TNPO1: variants seen among roughly 807,000 people sequenced by gnomAD.
TNPO1 encodes the protein transportin 1, also known as transportin-1.
In TNPO1, 8 loss-of-function variants were observed where a neutral mutation model predicts 119.5. That is an observed-to-expected ratio of 0.07 (90% CI 0.04 to 0.12). The LOEUF (loss-of-function observed/expected upper bound fraction) is 0.12, where lower values mean the gene tolerates loss of function less well. Ranked by LOEUF, TNPO1 falls within the 10% of genes least tolerant of loss-of-function variation. The pLI is 1.00. For missense variants in TNPO1, 576 were observed against 1,089.8 expected, an observed-to-expected ratio of 0.53 and a Z score of 6.64; for synonymous variants, 362 against 363.0, an observed-to-expected ratio of 1.00 and a Z score of 0.03.
At chr5:72,908,004 A>G (rs1434309633) in intron 24 of TNPO1, among the ~76,000 whole-genome samples, 1 of 152,160 alleles carries the variant, frequency 6.6e-6, no homozygotes, top group Non-Finnish European at 1.5e-5. Flanking sequence ...AGTGAGCCAT[A>G]TTCACACCAC....
At chr5:72,824,291 C>T (rs1489206641) in intron 1 of TNPO1, among the ~76,000 whole-genome samples, 1 of 152,188 alleles carries the variant, frequency 6.6e-6, no homozygotes, top group East Asian at 1.9e-4. Flanking sequence ...AAAATCTTGT[C>T]CCACTTCACC....
intron 9 of TNPO1, among the ~76,000 whole-genome samples, chr5:72,877,611 G>C (rs955924349): frequency 2.0e-5 from 3 of 151,312 alleles, no homozygotes; most frequent in African/African-American, 7.3e-5. Flanking sequence ...TTTGTTTTTT[G>C]TTTTGTTTTG....
intron 5 of TNPO1, among the ~76,000 whole-genome samples, chr5:72,864,427 G>C (rs1348459886): frequency 1.3e-5 from 2 of 151,996 alleles, no homozygotes; most frequent in African/African-American, 4.8e-5. Context: ...AAAGTAGGTG[G>C]GTGGGTAACT....
At chr5:72,906,294 T>C (rs887992146) in intron 24 of TNPO1, among the ~76,000 whole-genome samples, 1,354 of 119,420 alleles carry the variant, frequency 0.011, 35 homozygotes, top group Non-Finnish European at 0.019. Context: ...TTTTTTTTTT[T>C]TTTTTTTTTT....
At chr5:72,892,266 C>T (rs1749120642) in intron 15 of TNPO1, among the ~76,000 whole-genome samples, 1 of 151,830 alleles carries the variant, frequency 6.6e-6, no homozygotes, top group Non-Finnish European at 1.5e-5. Flanking sequence ...AAAATGTTTC[C>T]ATGTGTACTT....
intron 4 of TNPO1, among the ~76,000 whole-genome samples, chr5:72,860,496 A>G (rs948001399): frequency 1.3e-5 from 2 of 152,222 alleles, no homozygotes; most frequent in African/African-American, 2.4e-5. Flanking sequence ...ATTTGTGTGT[A>G]TTTGCATAAT....
At chr5:72,853,030 ACT>A (rs1183086080) in intron 3 of TNPO1, among the ~76,000 whole-genome samples, 1 of 152,032 alleles carries the variant, frequency 6.6e-6, no homozygotes, top group African/African-American at 2.4e-5. Flanking sequence ...TAAGCTGTCC[ACT>A]CTCATGTTCT....
At chr5:72,900,476 AT>A (rs1396541674) in intron 21 of TNPO1, among the ~76,000 whole-genome samples, 18 of 152,184 alleles carry the variant, frequency 1.2e-4, no homozygotes, top group African/African-American at 4.3e-4. Context: ...ACATGTTTAA[AT>A]TTGTTATGTA....
At chr5:72,821,148 A>C (rs935164221) in intron 1 of TNPO1, among the ~76,000 whole-genome samples, 8 of 151,914 alleles carry the variant, frequency 5.3e-5, no homozygotes, top group South Asian at 2.1e-4. Flanking sequence ...GGAGAATAGA[A>C]CTGCCTACAA....
chr5:72,848,281 G>T lies in TNPO1; in HGVS notation c.16-104G>T, dbSNP rs1247817941. The T allele has an allele frequency of 2.2e-6, 3 of 1,338,264 alleles. No individual in the cohort carries two copies. The African/African-American group carries it at 4.5e-5, about 20-fold the overall frequency. 82.9% of individuals were successfully genotyped at this position (1,338,264 alleles called of 1,614,324 possible). ...GCGGCGTTTGGGGAGCGCTGGGGTT[G>T]TGGTGGCGGGGAGAACGGGTCAGCT... On this transcript the variant is annotated intron_variant, in intron 1 of 24. Coordinates refer to ENST00000337273, the MANE Select transcript of TNPO1 (RefSeq NM_002270.4).
At position 72,896,493 on chromosome 5, in the gene TNPO1, C is replaced by G. The variant is rs529007586; in HGVS notation, c.2179C>G (p.Pro727Ala). Residue 727 changes from proline (P) to alanine (A), a missense_variant, in exon 19 of 25, where the codon CCA becomes GCA. Physicochemically the swap from Pro to Ala is conservative, Grantham distance 27. This residue lies in a region of TNPO1 where 162 missense variants were observed against 294.1 expected (regional missense o/e 0.55). Coordinates refer to ENST00000337273, the MANE Select transcript of TNPO1 (RefSeq NM_002270.4). Reference protein sequence around the residue: ...FMPILGTNLNPEFISVCNNAT... With the variant: ...FMPILGTNLNAEFISVCNNAT... ...GCCAATATTGGGAACCAACCTAAAT[C>G]CAGAATTCATTTCAGTCTGCAACAA... 5 of 1,611,910 alleles carry G rather than the reference C, an allele frequency of 3.1e-6. 1 individual carries two copies. In the South Asian group the frequency reaches 5.5e-5, roughly 18 times the overall value.
intron 1 of TNPO1, among the ~76,000 whole-genome samples, chr5:72,846,387 GT>G (rs1324496319): frequency 8.8e-6 from 1 of 113,704 alleles, no homozygotes; most frequent in Non-Finnish European, 2.1e-5. Context: ...ATATTAATGT[GT>G]AAAAAACGTT....
rs200310066 is a variant in TNPO1 at position 72,872,610 on chromosome 5, A to G, written c.597-29A>G. On this transcript the variant is annotated intron_variant, in intron 6 of 24. Coordinates refer to ENST00000337273, the MANE Select transcript of TNPO1 (RefSeq NM_002270.4). Reference sequence around the variant, plus strand: ...TAGATAGAACAAAGTTACAATGAGCATATGTTAAATTTTAAACTTTGTTTC... The same window carrying G: ...TAGATAGAACAAAGTTACAATGAGCGTATGTTAAATTTTAAACTTTGTTTC... The G allele has an allele frequency of 9.3e-6, 14 of 1,509,932 alleles. No homozygotes were observed. In the East Asian group the frequency reaches 2.3e-4, roughly 24 times the overall value. The allele number at this position is 1,509,932 out of a possible 1,614,324, so 93.5% of individuals were successfully genotyped here.
chr5:72,869,570 T>C (rs1051818915), intron 6 of TNPO1, among the ~76,000 whole-genome samples: 3 of 152,022 alleles, frequency 2.0e-5, no homozygotes, highest in African/African-American at 7.2e-5. Flanking sequence ...AAGACAGTTT[T>C]ACCTTATAAA....
At position 72,847,291 on chromosome 5, in the gene TNPO1, T is replaced by C. The variant is rs116347447; in HGVS notation, c.16-1094T>C. Among the ~76,000 whole-genome samples the C allele has an allele frequency of 2.8e-3, 423 of 152,364 alleles. 2 individuals carry two copies. Among genetic ancestry groups the C allele is most frequent in the African/African-American group, 0.01 (418 of 41,584 alleles). ...CTCCTTTATCAAACTGTTTGGTTTT[T>C]ACAAATAAGTCATGCTTGATACTTA... On this transcript the variant is annotated intron_variant, in intron 1 of 24. Transcript: ENST00000337273.
intron 6 of TNPO1, among the ~76,000 whole-genome samples, chr5:72,872,387 T>TA (rs1747468658): frequency 6.6e-6 from 1 of 152,192 alleles, no homozygotes; most frequent in African/African-American, 2.4e-5. Context: ...TATGCACTAT[T>TA]AAAAATTTGC....
intron 1 of TNPO1, among the ~76,000 whole-genome samples, chr5:72,827,917 CAAAA>C (rs111327220): frequency 1.3e-5 from 1 of 79,350 alleles, no homozygotes; most frequent in Non-Finnish European, 2.6e-5. Context: ...GAGATCCTGC[CAAAA>C]AAAAAAAAAA....
At chr5:72,849,045 C>T (rs973828001) in intron 2 of TNPO1, among the ~76,000 whole-genome samples, 3 of 151,658 alleles carry the variant, frequency 2.0e-5, no homozygotes, top group African/African-American at 7.3e-5. Context: ...CACGTCCTTG[C>T]CCTAAAAAGG....
intron 1 of TNPO1, among the ~76,000 whole-genome samples, chr5:72,818,146 G>C (rs990283404): frequency 2.0e-5 from 3 of 152,190 alleles, no homozygotes; most frequent in Non-Finnish European, 4.4e-5. Context: ...CTAGTGTTCT[G>C]TTTTCTTTTT....
Sources: allele counts gnomAD v4.1 joint callset (sites outside exome capture counted in the v4.1 genomes callset), GRCh38; gene constraint gnomAD v4.1.1; regional missense constraint gnomAD v4.1.1; transcripts MANE v1.5; gene names NCBI Gene and HGNC (gene_info 2026-07-23, HGNC 2026-07-21).